Variants in OAS3 observed in about 807,000 individuals in gnomAD.
The protein encoded by OAS3 is 2'-5'-oligoadenylate synthase 3.
Under a neutral mutation model 113.0 loss-of-function variants are expected in OAS3, and 107 were observed. That is an observed-to-expected ratio of 0.95 (90% CI 0.81 to 1.11). OAS3 has a LOEUF of 1.11. OAS3 is among the 50% of genes most tolerant of loss of function. OAS3 has a pLI of 0.00. For synonymous variants in OAS3, 552 were observed against 573.6 expected, an observed-to-expected ratio of 0.96 and a Z score of 0.54; for missense variants, 1,258 against 1,389.1, an observed-to-expected ratio of 0.91 and a Z score of 1.50.
rs752351030 is a variant in OAS3 at position 112,964,424 on chromosome 12, G to C, written c.2403+16G>C. 4.5e-5 allele frequency: 73 copies of C among 1,606,302 alleles called. No individual in the cohort carries two copies. The highest frequency in any genetic ancestry group is 6.0e-5 in the Non-Finnish European group (70 of 1,176,098). On this transcript the variant is annotated intron_variant, in intron 11 of 15. Coordinates refer to ENST00000228928, the MANE Select transcript of OAS3 (RefSeq NM_006187.4). ...GGTGGTCAAGGTGAGTCCTCAGAGA[G>C]CTGTAGGCAAGCAGTGTCCTGCAAG...
In OAS3 at chr12:112,961,870, G is replaced by A. The variant is rs180797006; in HGVS notation, c.1833+624G>A. On this transcript the variant is annotated intron_variant, in intron 8 of 15. Transcript: ENST00000228928. The stretch of plus-strand genomic sequence containing the variant: ...GAGTGCTGTGGCACAATTACAGCTC[G>A]CTGCAGCCTCGACCTTCTGGGCTCA... Among the ~76,000 whole-genome samples the A allele has an allele frequency of 2.0e-3, 307 of 151,702 alleles. 1 individual carries two copies. Among genetic ancestry groups the A allele is most frequent in the Admixed American group, 4.5e-3 (69 of 15,228 alleles).
intron 1 of OAS3, among the ~76,000 whole-genome samples, chr12:112,941,073 A>C (rs1565973254): frequency 6.6e-6 from 1 of 152,214 alleles, no homozygotes; most frequent in Admixed American, 6.5e-5. Context: ...CTATAGTCTC[A>C]GACACTTGGG....
At chr12:112,947,320 C>T (rs532689145) in intron 4 of OAS3, among the ~76,000 whole-genome samples, 2 of 152,310 alleles carry the variant, frequency 1.3e-5, no homozygotes, top group East Asian at 3.9e-4. Flanking sequence ...CCCCACTGGT[C>T]CCCTCTCAGT....
intron 7 of OAS3, among the ~76,000 whole-genome samples, chr12:112,955,881 C>G (rs1192182927): frequency 1.3e-5 from 2 of 152,114 alleles, no homozygotes; most frequent in Admixed American, 6.5e-5. Flanking sequence ...CCCTCTTTTT[C>G]TATTGATTGG....
chr12:112,955,712 T>C (rs1039668195), intron 7 of OAS3, among the ~76,000 whole-genome samples: 1 of 152,240 alleles, frequency 6.6e-6, no homozygotes, highest in African/African-American at 2.4e-5. Flanking sequence ...TGCTGCTGGA[T>C]TCAGTTTGCC....
chr12:112,953,816 C>A (rs1049057155), intron 7 of OAS3, among the ~76,000 whole-genome samples: 3 of 152,150 alleles, frequency 2.0e-5, no homozygotes, highest in African/African-American at 7.2e-5. Flanking sequence ...ATATCCTTTA[C>A]CCACTTTTTG....
In OAS3 at chr12:112,973,191, C is replaced by T. The variant is rs2044000563; in HGVS notation, c.*3218C>T. The T allele has an allele frequency of 6.6e-6, 1 of 152,152 alleles. No individual in the cohort carries two copies. The highest frequency in any genetic ancestry group is 2.1e-4 in the South Asian group (1 of 4,820). The allele number at this position is 152,152 out of a possible 1,614,324, so 9.4% of individuals were successfully genotyped here. On this transcript the variant is annotated 3_prime_UTR_variant, in exon 16 of 16. Coordinates refer to ENST00000228928, the MANE Select transcript of OAS3 (RefSeq NM_006187.4). ...CATTCTCTCCCTAATCCCTAGAAACCACCAATCTGCTGTGTATTTCATCTA... is the reference window on the plus strand; with the variant it reads ...CATTCTCTCCCTAATCCCTAGAAACTACCAATCTGCTGTGTATTTCATCTA...
Position 112,961,489 on chromosome 12 carries a change from A to G in OAS3, c.1833+243A>G, listed in dbSNP as rs568173973. Among the ~76,000 whole-genome samples the G allele has an allele frequency of 1.1e-4, 17 of 152,296 alleles. No individual in the cohort carries two copies. In the South Asian group the frequency reaches 3.5e-3, roughly 32 times the overall value. Reference sequence around the variant, plus strand: ...TTGTACCTGGGGTTCACTTTAGCCCATCCACTTCTCTCTTTTGACACTGCA... The same window carrying G: ...TTGTACCTGGGGTTCACTTTAGCCCGTCCACTTCTCTCTTTTGACACTGCA... On this transcript the variant is annotated intron_variant, in intron 8 of 15. Coordinates refer to ENST00000228928, the MANE Select transcript of OAS3 (RefSeq NM_006187.4).
rs2043972991 is a variant in OAS3 at position 112,970,244 on chromosome 12, C to T, written c.*271C>T. 1 of 557,088 alleles carries T rather than the reference C, an allele frequency of 1.8e-6. No homozygotes were observed. The highest frequency in any genetic ancestry group is 3.0e-5 in the Admixed American group (1 of 32,924). 34.5% of individuals were successfully genotyped at this position (557,088 alleles called of 1,614,324 possible). A position where few individuals can be genotyped will look rare whatever the true frequency, so the allele number is the denominator to read the frequency against. On this transcript the variant is annotated 3_prime_UTR_variant, in exon 16 of 16. Transcript: ENST00000228928. ...TGCGTTTGCAGCTTCTCTGTCACTTCCATGACTCTATCCTCATACCACCAC... is the reference window on the plus strand; with the variant it reads ...TGCGTTTGCAGCTTCTCTGTCACTTTCATGACTCTATCCTCATACCACCAC...
intron 8 of OAS3, among the ~76,000 whole-genome samples, chr12:112,961,666 A>T (rs1342092765): frequency 6.6e-6 from 1 of 152,224 alleles, no homozygotes; most frequent in East Asian, 1.9e-4. Context: ...AGACAGAAAA[A>T]CCAGAGCACT....
chr12:112,954,645 T>G lies in OAS3; in HGVS notation c.1657+3670T>G, dbSNP rs554278680. 4.6e-5 allele frequency among the ~76,000 whole-genome samples: 7 copies of G among 152,274 alleles called. 1 individual carries two copies. Among genetic ancestry groups the G allele is most frequent in the African/African-American group, 1.7e-4 (7 of 41,562 alleles). ...GTCAAAGATCAGATGGTTGTAGACA[T>G]GTGGTGTTATTTCTGAGGGCTCTGT... is the stretch of plus-strand genomic sequence containing the variant. On this transcript the variant is annotated intron_variant, in intron 7 of 15. Transcript: ENST00000228928. The surrounding 1 kb of genome is among the most constrained non-coding windows in gnomAD (Gnocchi z 4.0).
intron 7 of OAS3, among the ~76,000 whole-genome samples, chr12:112,957,712 G>A (rs2043848504): frequency 6.6e-6 from 1 of 152,206 alleles, no homozygotes; most frequent in Admixed American, 6.5e-5. Flanking sequence ...TCTGCTGTTA[G>A]TCTGATGGGC....
rs944456681 is a variant in OAS3, at chr12:112,953,432, G to A, written c.1657+2457G>A. On this transcript the variant is annotated intron_variant, in intron 7 of 15. Coordinates refer to ENST00000228928, the MANE Select transcript of OAS3 (RefSeq NM_006187.4). ...TTCCAAGTCTTTGCTCTTGTGAATA[G>A]TGCCACAATAAACATATGTGTGCAT... 2.2e-4 allele frequency among the ~76,000 whole-genome samples: 33 copies of A among 152,326 alleles called. 3 individuals are homozygous for A. The highest frequency in any genetic ancestry group is 1.0e-3 in the South Asian group (5 of 4,828).
rs1446228244 is a variant in OAS3, at chr12:112,972,427, T to A, written c.*2454T>A. On this transcript the variant is annotated 3_prime_UTR_variant, in exon 16 of 16. Transcript: ENST00000228928. ...CCTCGGATGGAAAGACTTGACTGCA[T>A]AAAGATGTCAGTTCTCCCTGAGTTG... 1 of 152,194 alleles carries A rather than the reference T, an allele frequency of 6.6e-6. No homozygotes were observed. Among genetic ancestry groups the A allele is most frequent in the Non-Finnish European group, 1.5e-5 (1 of 68,046 alleles). The allele number at this position is 152,194 out of a possible 1,614,324, so 9.4% of individuals were successfully genotyped here.
chr12:112,958,207 C>T (rs973448995), intron 7 of OAS3, among the ~76,000 whole-genome samples: 1 of 152,234 alleles, frequency 6.6e-6, no homozygotes, highest in Non-Finnish European at 1.5e-5. Context: ...AAGGTCTTTT[C>T]TATGCTGTTC....
At position 112,968,034 on chromosome 12, in the gene OAS3, G is replaced by C; in HGVS notation, c.2964G>C (p.Gln988His). 6.2e-7 allele frequency: 1 copy of C among 1,614,040 alleles called. No homozygotes were observed. Among genetic ancestry groups the C allele is most frequent in the Non-Finnish European group, 8.5e-7 (1 of 1,179,898 alleles). The change falls in exon 14 of 16, where the codon CAG becomes CAC. Residue 988 changes from glutamine (Q) to histidine (H), a missense_variant. Gln to His is a conservative substitution (Grantham distance 24). Transcript: ENST00000228928. ...GGGAGCAGGGCGGGAAGGACTCCCAGTTCAACATGGCTGAGGGCTTCCGCA... is the reference window on the plus strand; with the variant it reads ...GGGAGCAGGGCGGGAAGGACTCCCACTTCAACATGGCTGAGGGCTTCCGCA... ...YAWEQGGKDS[Q>H]FNMAEGFRTV...
rs1390559258 is a variant in OAS3, at chr12:112,971,002, C to T, written c.*1029C>T. 3 of 152,350 alleles carry T rather than the reference C, an allele frequency of 2.0e-5. No individual in the cohort carries two copies. Among genetic ancestry groups the T allele is most frequent in the African/African-American group, 7.2e-5 (3 of 41,460 alleles). 9.4% of individuals were successfully genotyped at this position (152,350 alleles called of 1,614,324 possible). On this transcript the variant is annotated 3_prime_UTR_variant, in exon 16 of 16. Coordinates refer to ENST00000228928, the MANE Select transcript of OAS3 (RefSeq NM_006187.4). The stretch of plus-strand genomic sequence containing the variant: ...CGTGCTCAGCCTGTTTCTCTCTGCC[C>T]TCTAGAGCAAGGCCCACCAGGTCCA...
Position 112,958,035 on chromosome 12 carries a change from C to A in OAS3, c.1658-3036C>A, listed in dbSNP as rs568808065. 9.2e-5 allele frequency among the ~76,000 whole-genome samples: 14 copies of A among 152,236 alleles called. No individual in the cohort carries two copies. The South Asian group carries it at 2.5e-3, about 27-fold the overall frequency. On this transcript the variant is annotated intron_variant, in intron 7 of 15. Coordinates refer to ENST00000228928, the MANE Select transcript of OAS3 (RefSeq NM_006187.4). ...TCTTTCTTGGAGGCTTTGTTCATTT[C>A]TTTTTACTCTTTTTTCTCTAAACTT...
rs1268548805 is a variant in OAS3 at position 112,971,968 on chromosome 12, C to T, written c.*1995C>T. On this transcript the variant is annotated 3_prime_UTR_variant, in exon 16 of 16. Coordinates refer to ENST00000228928, the MANE Select transcript of OAS3 (RefSeq NM_006187.4). ...GAACTCTCAGGACCCCAAACTCCAC[C>T]TCTTGGATTGGCCCTGGCTGCTGCC... is the stretch of plus-strand genomic sequence containing the variant. 6.6e-6 allele frequency: 1 copy of T among 152,362 alleles called. No individual in the cohort carries two copies. The highest frequency in any genetic ancestry group is 1.5e-5 in the Non-Finnish European group (1 of 68,160). 9.4% of individuals were successfully genotyped at this position (152,362 alleles called of 1,614,324 possible).
Sources: allele counts gnomAD v4.1 joint callset (sites outside exome capture counted in the v4.1 genomes callset), GRCh38; gene constraint gnomAD v4.1.1; non-coding constraint Gnocchi (gnomAD v3.1); transcripts MANE v1.5; gene names NCBI Gene and HGNC (gene_info 2026-07-23, HGNC 2026-07-21).